Variants in PCDHGA7 observed in about 807,000 individuals in gnomAD.
The protein encoded by PCDHGA7 is protocadherin gamma-A7.
A neutral mutation model predicts 58.3 loss-of-function variants in PCDHGA7; 44 were observed. The ratio of observed to expected loss-of-function variants is 0.75; its 90% CI spans 0.59 to 0.97. PCDHGA7 has a LOEUF of 0.97. Among genes scored for constraint, PCDHGA7 ranks in the 50% least tolerant of loss-of-function variants. The pLI, the probability that PCDHGA7 is intolerant of heterozygous loss-of-function variation, is 0.00. For synonymous variants in PCDHGA7, 516 were observed against 504.2 expected (o/e 1.02, Z -0.31); for missense variants, 1,266 against 1,188.7 (o/e 1.06, Z -0.96).
Position 141,511,375 on chromosome 5 carries a change from A to G in PCDHGA7, c.*202A>G. 2 of 1,236,730 alleles carry G rather than the reference A, an allele frequency of 1.6e-6. No individual in the cohort carries two copies. The highest frequency in any genetic ancestry group is 2.2e-6 in the Non-Finnish European group (2 of 912,840). 76.6% of individuals were successfully genotyped at this position (1,236,730 alleles called of 1,614,324 possible). A position where few individuals can be genotyped will look rare whatever the true frequency, so the allele number is the denominator to read the frequency against. On this transcript the variant is annotated 3_prime_UTR_variant, in exon 4 of 4. Coordinates refer to ENST00000518325, the MANE Select transcript of PCDHGA7 (RefSeq NM_018920.4). ...CCCAGGGGGTTGAATATGCAAAAGCAGTTCCGCTGGGAACCCCCATCCAAT... is the reference window on the plus strand; with the variant it reads ...CCCAGGGGGTTGAATATGCAAAAGCGGTTCCGCTGGGAACCCCCATCCAAT...
At position 141,432,266 on chromosome 5, in the gene PCDHGA7, T is replaced by A. The variant is rs1444077446; in HGVS notation, c.2424+46943T>A. The A allele has an allele frequency of 9.3e-6, 15 of 1,614,096 alleles. No individual in the cohort carries two copies. Among genetic ancestry groups the A allele is most frequent in the Admixed American group, 3.3e-5 (2 of 60,010 alleles). The stretch of plus-strand genomic sequence containing the variant: ...CACCATCCAAGGGGCAAGCCTATCG[T>A]CCTACGTGTCCATCAACTCCGACAC... On this transcript the variant is annotated intron_variant, in intron 1 of 3. Transcript: ENST00000518325. The surrounding 1 kb of genome is among the most constrained non-coding windows in gnomAD (Gnocchi z 6.0).
chr5:141,384,018 C>G lies in PCDHGA7; in HGVS notation c.1119C>G (p.Asp373Glu). Residue 373 changes from aspartate (D) to glutamate (E), a missense_variant, in exon 1 of 4, where the codon GAC (aspartate) becomes GAG (glutamate). Asp to Glu is a conservative substitution (Grantham distance 45). Transcript: ENST00000518325. ...GTVIALFYLQ[D>E]RDSGKNGEVT... ...TCATTGCTCTTTTCTACCTACAAGACAGAGATTCTGGAAAGAATGGTGAGG... is the reference window on the plus strand; with the variant it reads ...TCATTGCTCTTTTCTACCTACAAGAGAGAGATTCTGGAAAGAATGGTGAGG... The G allele has an allele frequency of 6.2e-7, 1 of 1,613,740 alleles. No homozygotes were observed. Among genetic ancestry groups the G allele is most frequent in the Non-Finnish European group, 8.5e-7 (1 of 1,179,776 alleles).
In PCDHGA7 at chr5:141,423,466, G is replaced by T. The variant is rs770939556; in HGVS notation, c.2424+38143G>T. On this transcript the variant is annotated intron_variant, in intron 1 of 3. Coordinates refer to ENST00000518325, the MANE Select transcript of PCDHGA7 (RefSeq NM_018920.4). Reference sequence around the variant, plus strand: ...GTCACATTTTGTAGGCGTGGACGGGGTACAGGCTTTCCTGCAAACCTATTC... The same window carrying T: ...GTCACATTTTGTAGGCGTGGACGGGTTACAGGCTTTCCTGCAAACCTATTC... 6 of 1,614,022 alleles carry T rather than the reference G, an allele frequency of 3.7e-6. No homozygotes were observed. In the Admixed American group the frequency reaches 5.0e-5, roughly 13 times the overall value.
At chr5:141,422,966 C>A (rs762530904) in intron 1 of PCDHGA7, 1 of 1,614,112 alleles carries the variant, frequency 6.2e-7, no homozygotes, top group Admixed American at 1.7e-5. Flanking sequence ...GAGCTGGCGC[C>A]CCGCTCTGCG....
chr5:141,406,877 A>T (rs4912750), intron 1 of PCDHGA7, among the ~76,000 whole-genome samples: 9,155 of 152,322 alleles, frequency 0.06, 381 homozygotes, highest in Non-Finnish European at 0.089. Flanking sequence ...ACTGCTGGGA[A>T]GATTCTAAAA....
intron 1 of PCDHGA7, chr5:141,400,251 C>T (rs2093990443): frequency 6.2e-7 from 1 of 1,614,014 alleles, no homozygotes; most frequent in Non-Finnish European, 8.5e-7. Flanking sequence ...TGGCCGTTGC[C>T]TTGCGCCTGC....
chr5:141,506,994 G>A (rs1053891468), intron 3 of PCDHGA7: 1 of 152,126 alleles, frequency 6.6e-6, no homozygotes, highest in Non-Finnish European at 1.5e-5. Context: ...TCTCACACTC[G>A]ACAGATGAGA....
At chr5:141,448,220 G>A (rs750470070) in intron 1 of PCDHGA7, among the ~76,000 whole-genome samples, 9 of 152,148 alleles carry the variant, frequency 5.9e-5, no homozygotes, top group Non-Finnish European at 1.0e-4. Flanking sequence ...GTATGCGAAT[G>A]TATGTGTGGG....
At chr5:141,459,199 A>G (rs930769883) in intron 1 of PCDHGA7, among the ~76,000 whole-genome samples, 6 of 152,200 alleles carry the variant, frequency 3.9e-5, no homozygotes, top group African/African-American at 1.4e-4. Flanking sequence ...TTTGCAATCA[A>G]TTCACTACTT....
At chr5:141,426,021 A>G (rs1590662256) in intron 1 of PCDHGA7, among the ~76,000 whole-genome samples, 2 of 152,312 alleles carry the variant, frequency 1.3e-5, no homozygotes, top group East Asian at 3.9e-4. Context: ...AGTTTTCTAA[A>G]TAGACTCAGA....
At chr5:141,496,146 G>A (rs749790409) in intron 2 of PCDHGA7, among the ~76,000 whole-genome samples, 1 of 151,170 alleles carries the variant, frequency 6.6e-6, no homozygotes, top group Non-Finnish European at 1.5e-5. Flanking sequence ...GCCTTTGATC[G>A]CAGCTCTCCA....
In PCDHGA7 at chr5:141,486,499, C is replaced by G. The variant is rs1487201957; in HGVS notation, c.2425-8308C>G. 2 of 1,614,010 alleles carry G rather than the reference C, an allele frequency of 1.2e-6. No homozygotes were observed. Among genetic ancestry groups the G allele is most frequent in the Non-Finnish European group, 1.7e-6 (2 of 1,179,874 alleles). On this transcript the variant is annotated intron_variant, in intron 1 of 3. Coordinates refer to ENST00000518325, the MANE Select transcript of PCDHGA7 (RefSeq NM_018920.4). This position sits in a 1 kb window ranked among gnomAD's most constrained non-coding sequence, Gnocchi z 5.0. ...CTCTCAGTACCCACAGAACTATTTT[C>G]CTCAATATTTCAGATGTGAATGATA...
intron 1 of PCDHGA7, chr5:141,410,723 T>G: frequency 7.2e-7 from 1 of 1,391,168 alleles, no homozygotes; most frequent in Non-Finnish European, 9.6e-7. Context: ...ATGTTTAAAA[T>G]CCATAGCTTT....
intron 1 of PCDHGA7, chr5:141,388,917 G>C: frequency 6.2e-7 from 1 of 1,614,026 alleles, no homozygotes. Flanking sequence ...CGCCCCAGAA[G>C]TGATATTCCA....
At position 141,487,051 on chromosome 5, in the gene PCDHGA7, G is replaced by A. The variant is rs1348441475; in HGVS notation, c.2425-7756G>A. The A allele has an allele frequency of 3.7e-6, 6 of 1,614,024 alleles. No individual in the cohort carries two copies. The highest frequency in any genetic ancestry group is 5.1e-6 in the Non-Finnish European group (6 of 1,180,024). On this transcript the variant is annotated intron_variant, in intron 1 of 3. Coordinates refer to ENST00000518325, the MANE Select transcript of PCDHGA7 (RefSeq NM_018920.4). This position sits in a 1 kb window ranked among gnomAD's most constrained non-coding sequence, Gnocchi z 5.0. ...TGTTTGCAGTCTCTCGATATGCTGG[G>A]GAGGTGCGGACGGCTGTTCCTATCC... is the stretch of plus-strand genomic sequence containing the variant.
chr5:141,443,163 T>C (rs1054542792), intron 1 of PCDHGA7, among the ~76,000 whole-genome samples: 3 of 152,172 alleles, frequency 2.0e-5, no homozygotes, highest in Non-Finnish European at 4.4e-5. Context: ...TTTATTTCCC[T>C]ACCCATGTCC....
chr5:141,508,737 C>A (rs919094477), intron 3 of PCDHGA7, among the ~76,000 whole-genome samples: 8 of 152,010 alleles, frequency 5.3e-5, no homozygotes, highest in Non-Finnish European at 1.2e-4. Flanking sequence ...CTACACCCCC[C>A]ACCCCGCTCT....
At chr5:141,461,178 G>A (rs2154567263) in intron 1 of PCDHGA7, among the ~76,000 whole-genome samples, 1 of 152,144 alleles carries the variant, frequency 6.6e-6, no homozygotes, top group East Asian at 1.9e-4. Context: ...TGGATTGAAT[G>A]GTAGATCTGT....
In PCDHGA7 at chr5:141,510,272, T is replaced by TAAA. The variant is rs546154379; in HGVS notation, c.2573-658_2573-656dup. 1.5e-3 allele frequency among the ~76,000 whole-genome samples: 198 copies of TAAA among 130,372 alleles called. 1 individual carries two copies. Among genetic ancestry groups the TAAA allele is most frequent in the Non-Finnish European group, 2.8e-3 (172 of 61,058 alleles). The allele number at this position is 130,372 out of a possible 152,430, so 85.5% of individuals were successfully genotyped here. ...TGGGCGACAGAGCAGGACTCCATCTTAAAAAAAAAAAAAAAAAAATGCTGT... is the reference window on the plus strand; with the variant it reads ...TGGGCGACAGAGCAGGACTCCATCTTAAAAAAAAAAAAAAAAAAAAAATGCTGT... On this transcript the variant is annotated intron_variant, in intron 3 of 3. Coordinates refer to ENST00000518325, the MANE Select transcript of PCDHGA7 (RefSeq NM_018920.4).
Sources: gnomAD v4.1 joint callset for allele counts (sites outside exome capture counted in the v4.1 genomes callset) on GRCh38, gnomAD v4.1.1 for gene constraint, Gnocchi (gnomAD v3.1) non-coding constraint, MANE v1.5 for transcripts, NCBI Gene and HGNC (gene_info 2026-07-23, HGNC 2026-07-21) for gene names.